Variants in AFF3 observed in about 807,000 individuals in gnomAD.
AFF3 encodes ALF transcription elongation factor 3.
A neutral mutation model predicts 129.7 loss-of-function variants in AFF3; 32 were observed. That is an observed-to-expected ratio of 0.25 (90% CI 0.19 to 0.33). The LOEUF is 0.33. AFF3 is among the 10% of genes least tolerant of loss of function. The probability of loss-of-function intolerance (pLI) is 1.00; values close to 1 mark genes in which losing one functional copy is unlikely to be tolerated. For synonymous variants in AFF3, 644 were observed against 635.4 expected (o/e 1.01, Z -0.20); for missense variants, 1,373 against 1,592.0 (o/e 0.86, Z 2.34).
chr2:99,777,325 C>T (rs1683980961), intron 8 of AFF3, among the ~76,000 whole-genome samples: 1 of 152,140 alleles, frequency 6.6e-6, no homozygotes, highest in Admixed American at 6.5e-5. Flanking sequence ...TTCTCCACAA[C>T]GTTTGCTTGA....
chr2:99,819,354 G>A (rs570089406), intron 8 of AFF3, among the ~76,000 whole-genome samples: 1 of 152,260 alleles, frequency 6.6e-6, no homozygotes, highest in East Asian at 1.9e-4. Context: ...GTTTCTTAGC[G>A]TTAAATACAA....
intron 7 of AFF3, among the ~76,000 whole-genome samples, chr2:99,922,362 T>C (rs957019924): frequency 6.6e-6 from 1 of 152,224 alleles, no homozygotes; most frequent in Admixed American, 6.5e-5. Flanking sequence ...GCTTTATTTA[T>C]ATAGAAGATT....
intron 11 of AFF3, among the ~76,000 whole-genome samples, chr2:99,711,497 G>A (rs1010686842): frequency 3.9e-5 from 6 of 152,188 alleles, no homozygotes; most frequent in South Asian, 2.1e-4. Context: ...GTCAGCATTA[G>A]AGGCATGCGG....
intron 3 of AFF3, chr2:100,105,156 GCGCCCGGCCC>G (rs1231437721): frequency 7.4e-5 from 21 of 282,954 alleles, no homozygotes; most frequent in East Asian, 1.8e-4. Flanking sequence ...CCGCCCGCCC[GCGCCCGGCCC>G]CGCCCGGCCT....
At chr2:100,106,266 T>G in intron 2 of AFF3, 1 of 1,174,748 alleles carries the variant, frequency 8.5e-7, no homozygotes, top group Non-Finnish European at 1.1e-6. Flanking sequence ...GAAAATGAAA[T>G]TGTTATTTTA....
At chr2:99,964,565 A>T (rs1472698989) in intron 7 of AFF3, among the ~76,000 whole-genome samples, 1 of 152,222 alleles carries the variant, frequency 6.6e-6, no homozygotes, top group East Asian at 1.9e-4. Flanking sequence ...AATGTAATAA[A>T]TATAAAAATA....
At chr2:99,637,291 T>A (rs1284412486) in intron 13 of AFF3, among the ~76,000 whole-genome samples, 3 of 152,236 alleles carry the variant, frequency 2.0e-5, no homozygotes, top group African/African-American at 7.2e-5. Context: ...TCAGTCTATC[T>A]ATTGGCTTTA....
chr2:99,936,772 C>T (rs781173585), intron 7 of AFF3, among the ~76,000 whole-genome samples: 4 of 152,290 alleles, frequency 2.6e-5, no homozygotes, highest in Non-Finnish European at 2.9e-5. Flanking sequence ...AGAGTTCTAA[C>T]GACCTTCATC....
At chr2:99,732,425 C>T (rs1461719121) in intron 10 of AFF3, among the ~76,000 whole-genome samples, 1 of 150,566 alleles carries the variant, frequency 6.6e-6, no homozygotes, top group African/African-American at 2.4e-5. Context: ...TTTTAACCGC[C>T]TATGTATGTA....
chr2:99,936,229 C>T (rs980029970), intron 7 of AFF3, among the ~76,000 whole-genome samples: 2 of 152,126 alleles, frequency 1.3e-5, no homozygotes, highest in African/African-American at 2.4e-5. Context: ...TCACTAGCCA[C>T]ACAGTCTCAG....
chr2:99,993,320 C>T (rs934810147), intron 7 of AFF3, among the ~76,000 whole-genome samples: 1 of 151,974 alleles, frequency 6.6e-6, no homozygotes, highest in Admixed American at 6.6e-5. Flanking sequence ...ATAGTATAAG[C>T]AAAGAAAAGT....
chr2:100,130,039 T>C (rs1259421202), intron 1 of AFF3, among the ~76,000 whole-genome samples: 2 of 152,210 alleles, frequency 1.3e-5, no homozygotes, highest in South Asian at 2.1e-4. Flanking sequence ...AGGCATGCCA[T>C]GGCCAAGTGC....
At chr2:99,842,350 C>T (rs964786303) in intron 7 of AFF3, among the ~76,000 whole-genome samples, 2 of 152,042 alleles carry the variant, frequency 1.3e-5, no homozygotes, top group South Asian at 2.1e-4. Flanking sequence ...TCTCCAAATT[C>T]GTGTTTATAT....
intron 7 of AFF3, among the ~76,000 whole-genome samples, chr2:99,980,187 G>A (rs1679276578): frequency 1.3e-5 from 2 of 152,152 alleles, no homozygotes; most frequent in Non-Finnish European, 2.9e-5. Flanking sequence ...ATCAGTTGTG[G>A]AAACAAATAT....
intron 7 of AFF3, among the ~76,000 whole-genome samples, chr2:99,884,663 C>T (rs1430395120): frequency 6.6e-6 from 1 of 152,214 alleles, no homozygotes; most frequent in African/African-American, 2.4e-5. Flanking sequence ...CTTGGCCTCC[C>T]AAAGTGCTGG....
intron 7 of AFF3, chr2:100,006,224 A>G (rs1172972861): frequency 2.6e-5 from 4 of 155,264 alleles, no homozygotes; most frequent in Admixed American, 6.5e-5. Context: ...TTACATAAAA[A>G]TTTACCTTAA....
At chr2:99,785,264 TAC>T (rs1374607065) in intron 8 of AFF3, among the ~76,000 whole-genome samples, 1 of 152,172 alleles carries the variant, frequency 6.6e-6, no homozygotes, top group Non-Finnish European at 1.5e-5. Context: ...AATCGAGAAT[TAC>T]AGTCATGCAG....
chr2:99,906,098 C>T (rs1407144388), intron 7 of AFF3, among the ~76,000 whole-genome samples: 1 of 152,192 alleles, frequency 6.6e-6, no homozygotes, highest in Non-Finnish European at 1.5e-5. Context: ...TTTAGGCATT[C>T]TTACATTTCT....
rs1441435392 is a variant in AFF3 at position 100,062,622 on chromosome 2, T to C, written c.53+41780A>G. ...TTACATGGCAGCATCTGGAAGGCAA[T>C]GGAATTGTCTCAGGACCGCAGTACC... is the stretch of plus-strand genomic sequence containing the variant. On this transcript the variant is annotated intron_variant, in intron 4 of 24. Coordinates refer to ENST00000672756, the MANE Select transcript of AFF3 (RefSeq NM_001386135.1). Among the ~76,000 whole-genome samples, 7 of 152,108 alleles carry C rather than the reference T, an allele frequency of 4.6e-5. 1 individual carries two copies. The highest frequency in any genetic ancestry group is 3.3e-4 in the Admixed American group (5 of 15,298).
Sources: allele counts gnomAD v4.1 joint callset (sites outside exome capture counted in the v4.1 genomes callset), GRCh38; gene constraint gnomAD v4.1.1; transcripts MANE v1.5; gene names NCBI Gene and HGNC (gene_info 2026-07-23, HGNC 2026-07-21).